NCKAP5: variants seen among roughly 807,000 people sequenced by gnomAD.
The protein encoded by NCKAP5 is nck-associated protein 5.
A neutral mutation model predicts 167.0 loss-of-function variants in NCKAP5; 92 were observed. That is an observed-to-expected ratio of 0.55 (90% CI 0.47 to 0.66). The LOEUF is 0.66. Among genes scored for constraint, NCKAP5 ranks in the 30% least tolerant of loss-of-function variants. The pLI is 0.00. For synonymous variants in NCKAP5, 891 were observed against 877.4 expected, an observed-to-expected ratio of 1.02 and a Z score of -0.27; for missense variants, 2,378 against 2,315.0, an observed-to-expected ratio of 1.03 and a Z score of -0.56.
chr2:132,738,113 C>T (rs142356912), intron 16 of NCKAP5, among the ~76,000 whole-genome samples: 1 of 148,930 alleles, frequency 6.7e-6, no homozygotes, highest in Non-Finnish European at 1.5e-5. Flanking sequence ...ACTTTAGCAA[C>T]CAAAGCAAAC....
intron 11 of NCKAP5, among the ~76,000 whole-genome samples, chr2:132,817,887 G>T (rs12621316): frequency 6.3e-4 from 96 of 152,246 alleles, no homozygotes; most frequent in African/African-American, 2.2e-3. Context: ...GGTCGGGAAT[G>T]ACATCAAATA....
At position 132,951,803 on chromosome 2, in the gene NCKAP5, T is replaced by C. The variant is rs2076197116; in HGVS notation, c.579+11917A>G. On this transcript the variant is annotated intron_variant, in intron 8 of 19. Transcript: ENST00000409261. ...CAAACTATTAGAGTTAATAGAATGC[T>C]GTGGTTCTGTTCTGGGGACTGCTCA... is the stretch of plus-strand genomic sequence containing the variant. 2.0e-5 allele frequency among the ~76,000 whole-genome samples: 3 copies of C among 152,230 alleles called. No homozygotes were observed. The South Asian group carries it at 6.2e-4, about 32-fold the overall frequency.
chr2:133,300,653 C>T (rs1288273030), intron 4 of NCKAP5, among the ~76,000 whole-genome samples: 11 of 122,506 alleles, frequency 9.0e-5, no homozygotes, highest in Non-Finnish European at 1.5e-4. Context: ...CTATCTATGA[C>T]AAACCCACAG....
chr2:133,363,155 G>A (rs1009587828), intron 3 of NCKAP5, among the ~76,000 whole-genome samples: 1 of 152,140 alleles, frequency 6.6e-6, no homozygotes, highest in South Asian at 2.1e-4. Flanking sequence ...GGAGGTACAA[G>A]GTGGTTGTTC....
chr2:133,430,778 T>C (rs1225409927), intron 3 of NCKAP5, among the ~76,000 whole-genome samples: 2 of 149,718 alleles, frequency 1.3e-5, no homozygotes, highest in Non-Finnish European at 3.0e-5. Context: ...TGGTTGTTGA[T>C]ACATGAATAA....
At chr2:133,448,168 G>A (rs1553642607) in intron 3 of NCKAP5, among the ~76,000 whole-genome samples, 1 of 151,664 alleles carries the variant, frequency 6.6e-6, no homozygotes, top group Non-Finnish European at 1.5e-5. Context: ...CATCTGAAAT[G>A]AAAGCAAGTA....
intron 2 of NCKAP5, among the ~76,000 whole-genome samples, chr2:133,550,731 T>A (rs1687217332): frequency 7.7e-6 from 1 of 130,550 alleles, no homozygotes; most frequent in Non-Finnish European, 1.6e-5. Flanking sequence ...CAACATAGTG[T>A]TGGAAGTTCT....
rs139992783 is a variant in NCKAP5 at position 133,284,480 on chromosome 2, G to A, written c.143+18557C>T. Among the ~76,000 whole-genome samples the A allele has an allele frequency of 9.2e-4, 140 of 152,338 alleles. 1 individual carries two copies. The highest frequency in any genetic ancestry group is 3.3e-3 in the African/African-American group (137 of 41,582). ...TGAAGTTGACATCAAAGAAGTCCTT[G>A]CTTTGCCAACTCTGCCAAAGACAGA... On this transcript the variant is annotated intron_variant, in intron 4 of 19. Coordinates refer to ENST00000409261, the MANE Select transcript of NCKAP5 (RefSeq NM_207363.3).
At chr2:133,656,819 T>C in the NCKAP5 span, among the ~76,000 whole-genome samples, 1,266 of 152,292 alleles carry the variant, frequency 8.3e-3, 19 homozygotes, top group African/African-American at 0.029. Flanking sequence ...CAGGTGGTAT[T>C]TGATTACATA....
At chr2:133,404,464 C>T (rs1688300254) in intron 3 of NCKAP5, among the ~76,000 whole-genome samples, 1 of 152,080 alleles carries the variant, frequency 6.6e-6, no homozygotes, top group South Asian at 2.1e-4. Context: ...ATGAAGTAGG[C>T]ATAGTAAAAG....
chr2:133,355,070 T>C (rs1684617839), intron 3 of NCKAP5, among the ~76,000 whole-genome samples: 1 of 152,232 alleles, frequency 6.6e-6, no homozygotes, highest in Non-Finnish European at 1.5e-5. Flanking sequence ...TATTTATAAC[T>C]TCTAAAATTC....
At chr2:132,805,696 T>C (rs974409867) in intron 11 of NCKAP5, among the ~76,000 whole-genome samples, 1 of 152,008 alleles carries the variant, frequency 6.6e-6, no homozygotes. Context: ...GAGTGCTCAC[T>C]TGCAGGCTAG....
chr2:133,188,712 A>C (rs2085066439), intron 5 of NCKAP5, among the ~76,000 whole-genome samples: 1 of 152,154 alleles, frequency 6.6e-6, no homozygotes, highest in Non-Finnish European at 1.5e-5. Context: ...TGAAGGCAGA[A>C]ATAAAGGTGT....
chr2:132,863,022 A>T (rs1304298704), intron 10 of NCKAP5, among the ~76,000 whole-genome samples: 2 of 152,072 alleles, frequency 1.3e-5, no homozygotes, highest in East Asian at 3.9e-4. Context: ...GGGTTTCACC[A>T]TATTGGCCAG....
At chr2:133,576,200 T>G in the NCKAP5 span, among the ~76,000 whole-genome samples, 2 of 145,278 alleles carry the variant, frequency 1.4e-5, no homozygotes, top group Non-Finnish European at 3.1e-5. Context: ...GCTGCCATTC[T>G]TTTCTTTGTT....
chr2:133,441,564 T>C (rs1690864675), intron 3 of NCKAP5, among the ~76,000 whole-genome samples: 2 of 152,238 alleles, frequency 1.3e-5, no homozygotes. Context: ...ATCACACATC[T>C]GTGAATTTGC....
intron 3 of NCKAP5, among the ~76,000 whole-genome samples, chr2:133,503,209 A>G (rs1330545513): frequency 6.6e-6 from 1 of 152,186 alleles, no homozygotes; most frequent in Non-Finnish European, 1.5e-5. Context: ...TCCTTTACTC[A>G]GTCATTCATG....
chr2:132,747,554 AG>A (rs1679754417), intron 16 of NCKAP5, among the ~76,000 whole-genome samples: 1 of 152,132 alleles, frequency 6.6e-6, no homozygotes, highest in Non-Finnish European at 1.5e-5. Flanking sequence ...ACCTCTTTCC[AG>A]TAGGGTGGGG....
intron 3 of NCKAP5, among the ~76,000 whole-genome samples, chr2:133,357,184 T>A (rs1215166997): frequency 1.3e-5 from 2 of 152,066 alleles, no homozygotes; most frequent in Non-Finnish European, 2.9e-5. Context: ...AATAAATTAA[T>A]GCATGCTTGC....
Sources: allele counts gnomAD v4.1 joint callset (sites outside exome capture counted in the v4.1 genomes callset), GRCh38; gene constraint gnomAD v4.1.1; transcripts MANE v1.5; gene names NCBI Gene and HGNC (gene_info 2026-07-23, HGNC 2026-07-21).